The following HIVEP1 variants were observed in gnomAD, a reference collection of about 807,000 sequenced individuals.
HIVEP1 encodes the protein HIVEP zinc finger 1.
In HIVEP1, 36 loss-of-function variants were observed where a neutral mutation model predicts 180.0. The observed-to-expected ratio is 0.20, with a 90% CI of 0.15 to 0.26. HIVEP1 has a LOEUF of 0.26. HIVEP1 is among the 10% of genes least tolerant of loss of function. The pLI is 1.00. For missense variants in HIVEP1, 3,143 were observed against 3,268.7 expected (o/e 0.96, Z 0.94); for synonymous variants, 1,239 against 1,239.0 (o/e 1.00, Z 0.00).
At chr6:12,127,305 T>C (rs1194837234) in intron 4 of HIVEP1, among the ~76,000 whole-genome samples, 1 of 152,240 alleles carries the variant, frequency 6.6e-6, no homozygotes, top group Non-Finnish European at 1.5e-5. Flanking sequence ...ATGTGTATGG[T>C]GGTGGAGAAC....
chr6:12,137,588 G>C (rs1222063528), intron 7 of HIVEP1, among the ~76,000 whole-genome samples: 1 of 140,876 alleles, frequency 7.1e-6, no homozygotes, highest in Non-Finnish European at 1.5e-5. Context: ...TAAAACTACT[G>C]TATTTGTGGG....
rs1760389881 is a variant in HIVEP1, at chr6:12,161,442, A to G, written c.6491A>G (p.Glu2164Gly). ...ACCTCTTGGTTGTTTTTATTAGATGAAAAACAGAGATTCAGTTATGAGCGA... is the reference window on the plus strand; with the variant it reads ...ACCTCTTGGTTGTTTTTATTAGATGGAAAACAGAGATTCAGTTATGAGCGA... ...IDEQDTEESDEKQRFSYERSG... is the reference protein window; with the variant it reads ...IDEQDTEESDGKQRFSYERSG... Residue 2164 changes from glutamate (E) to glycine (G), a missense_variant, in exon 8 of 9, where the codon GAA (glutamate) becomes GGA (glycine). By Grantham distance (98) the Glu-to-Gly change is moderately conservative. Around this residue, in one of 12 missense-constraint regions of HIVEP1, gnomAD observed 126 missense variants for 168.5 expected, o/e 0.75. Transcript: ENST00000379388. The G allele has an allele frequency of 5.6e-6, 9 of 1,607,924 alleles. No homozygotes were observed. The highest frequency in any genetic ancestry group is 1.7e-4 in the Middle Eastern group (1 of 6,050).
chr6:12,013,149 C>G (rs917690014), intron 1 of HIVEP1, among the ~76,000 whole-genome samples: 9 of 152,142 alleles, frequency 5.9e-5, no homozygotes, highest in African/African-American at 1.4e-4. Flanking sequence ...TCATCTCGTC[C>G]TCCTCCTCCT....
chr6:12,129,452 C>T (rs1758286472), intron 4 of HIVEP1: 2 of 386,252 alleles, frequency 5.2e-6, no homozygotes, highest in Admixed American at 8.0e-5. Context: ...AATATTTAGT[C>T]TACTAAAAAA....
At chr6:12,068,479 T>G (rs1771747562) in intron 2 of HIVEP1, among the ~76,000 whole-genome samples, 1 of 152,210 alleles carries the variant, frequency 6.6e-6, no homozygotes, top group South Asian at 2.1e-4. Flanking sequence ...TATAATAGTA[T>G]TATTGTCAGT....
At chr6:12,069,532 T>G (rs562709940) in intron 2 of HIVEP1, among the ~76,000 whole-genome samples, 1 of 129,900 alleles carries the variant, frequency 7.7e-6, no homozygotes, top group African/African-American at 3.0e-5. Flanking sequence ...TGAGAACATA[T>G]GGACACAGGA....
In HIVEP1 at chr6:12,124,928, A is replaced by G; in HGVS notation, c.5133A>G (p.Ser1711=). The change falls in exon 4 of 9, where the codon TCA becomes TCG. Residue 1711 remains serine, a synonymous_variant. Transcript: ENST00000379388. ...AATTTCTATGTGAAAATGTTTTTTC[A>G]GAGATGAGCCAAAATTCTTCTCTAT... ...EKEFLCENVF[S]EMSQNSSLSE... 1 of 1,613,988 alleles carries G rather than the reference A, an allele frequency of 6.2e-7. No individual in the cohort carries two copies. Among genetic ancestry groups the G allele is most frequent in the Non-Finnish European group, 8.5e-7 (1 of 1,179,970 alleles).
chr6:12,166,659 C>T (rs773350389), downstream of HIVEP1, among the ~76,000 whole-genome samples: 26 of 152,148 alleles, frequency 1.7e-4, no homozygotes, highest in Non-Finnish European at 3.1e-4. Flanking sequence ...TCTCCGAAGT[C>T]GTCTTTTCCC....
the HIVEP1 span, among the ~76,000 whole-genome samples, chr6:12,173,464 C>T: frequency 6.6e-6 from 1 of 152,132 alleles, no homozygotes; most frequent in African/African-American, 2.4e-5. Context: ...GGCGTTTATA[C>T]ATTTTAGCTA....
At chr6:12,211,378 T>A in the HIVEP1 span, among the ~76,000 whole-genome samples, 1 of 90,790 alleles carries the variant, frequency 1.1e-5, no homozygotes, top group Non-Finnish European at 2.1e-5. Flanking sequence ...CCAGCCTGGG[T>A]GACAGAGCGA....
the HIVEP1 span, among the ~76,000 whole-genome samples, chr6:12,186,595 A>G: frequency 2.0e-5 from 3 of 151,722 alleles, no homozygotes; most frequent in Non-Finnish European, 4.4e-5. Flanking sequence ...ATGCTACCTA[A>G]TAAAGCCTAA....
intron 4 of HIVEP1, 95 bp from the exon 5 acceptor site, chr6:12,129,664 G>A: frequency 1.0e-6 from 1 of 987,986 alleles, no homozygotes; most frequent in South Asian, 1.3e-5. Flanking sequence ...TTGACCATAT[G>A]CTCTGTACTC....
At chr6:12,154,414 C>T (rs1759895221) in intron 7 of HIVEP1, among the ~76,000 whole-genome samples, 1 of 152,204 alleles carries the variant, frequency 6.6e-6, no homozygotes, top group Non-Finnish European at 1.5e-5. Context: ...ACCTTACTTT[C>T]CATGCCCTTA....
chr6:12,094,859 C>A (rs747279359), intron 3 of HIVEP1, among the ~76,000 whole-genome samples: 96 of 152,044 alleles, frequency 6.3e-4, no homozygotes, highest in Non-Finnish European at 1.2e-3. Flanking sequence ...GATATTGGAA[C>A]TGTACCTTTG....
chr6:12,053,224 CAT>C (rs1491313092), intron 2 of HIVEP1, among the ~76,000 whole-genome samples: 2 of 151,772 alleles, frequency 1.3e-5, no homozygotes, highest in Non-Finnish European at 2.9e-5. Context: ...ATATGCTGTT[CAT>C]GTGTGTGTGT....
the HIVEP1 span, among the ~76,000 whole-genome samples, chr6:12,188,191 A>G: frequency 2.6e-5 from 4 of 152,246 alleles, no homozygotes; most frequent in African/African-American, 9.6e-5. Flanking sequence ...TTAAAAAATG[A>G]CAAGCCACAA....
chr6:12,066,788 G>A (rs1771618245), intron 2 of HIVEP1, among the ~76,000 whole-genome samples: 1 of 151,932 alleles, frequency 6.6e-6, no homozygotes, highest in Admixed American at 6.6e-5. Context: ...ATTTCTTCAA[G>A]GTAACAGTGA....
chr6:12,141,283 G>A (rs1258147337), intron 7 of HIVEP1, among the ~76,000 whole-genome samples: 1 of 151,822 alleles, frequency 6.6e-6, no homozygotes, highest in African/African-American at 2.4e-5. Flanking sequence ...CCTCATAAGT[G>A]AAGGAGAAAA....
At chr6:12,184,729 A>T in the HIVEP1 span, among the ~76,000 whole-genome samples, 1 of 152,216 alleles carries the variant, frequency 6.6e-6, no homozygotes, top group Non-Finnish European at 1.5e-5. Flanking sequence ...ACTTCATATC[A>T]TACATTTAAA....
Sources: allele counts gnomAD v4.1 joint callset (sites outside exome capture counted in the v4.1 genomes callset), GRCh38; gene constraint gnomAD v4.1.1; regional missense constraint gnomAD v4.1.1; transcripts MANE v1.5; gene names NCBI Gene and HGNC (gene_info 2026-07-23, HGNC 2026-07-21).